MTUS2: variants seen among roughly 807,000 people sequenced by gnomAD.
The protein encoded by MTUS2 is microtubule-associated tumor suppressor candidate 2.
A neutral mutation model predicts 114.1 loss-of-function variants in MTUS2; 40 were observed. The ratio of observed to expected loss-of-function variants is 0.35; its 90% CI spans 0.27 to 0.46. The LOEUF is 0.46. MTUS2 is among the 20% of genes least tolerant of loss of function. MTUS2 has a pLI of 1.00. For synonymous variants in MTUS2, 688 were observed against 672.0 expected (o/e 1.02, Z -0.37); for missense variants, 1,679 against 1,705.4 (o/e 0.98, Z 0.27).
At chr13:28,845,279 A>C (rs1054699868) in intron 2 of MTUS2, among the ~76,000 whole-genome samples, 5 of 152,240 alleles carry the variant, frequency 3.3e-5, no homozygotes, top group African/African-American at 9.6e-5. Context: ...TCTGCTGTAA[A>C]TTTCACTTGT....
intron 9 of MTUS2, among the ~76,000 whole-genome samples, chr13:29,472,073 G>A (rs1047982213): frequency 6.6e-6 from 1 of 152,162 alleles, no homozygotes; most frequent in African/African-American, 2.4e-5. Flanking sequence ...CACCCAGGCT[G>A]GAGTGCAGTG....
rs1311220441 is a variant in MTUS2, at chr13:29,495,372, A to T, written c.3580-1866A>T. ...GTCTTTGTCAAAAAAAAAAAAAAAA[A>T]AAAAAAAAGGAAGTAACTGGAAAAG... On this transcript the variant is annotated intron_variant, in intron 12 of 15. Coordinates refer to ENST00000612955, the MANE Select transcript of MTUS2 (RefSeq NM_001033602.4). Among the ~76,000 whole-genome samples the T allele has an allele frequency of 3.4e-5, 5 of 147,728 alleles. 1 individual carries two copies. The South Asian group carries it at 1.1e-3, about 31-fold the overall frequency.
chr13:28,898,754 T>A (rs1879444148), intron 2 of MTUS2, among the ~76,000 whole-genome samples: 1 of 152,214 alleles, frequency 6.6e-6, no homozygotes, highest in Admixed American at 6.5e-5. Flanking sequence ...GAGACATTAA[T>A]ATTTTTATTT....
rs142036331 is a variant in MTUS2, at chr13:28,912,346, C to T, written c.-243+72496C>T. 5.3e-5 allele frequency among the ~76,000 whole-genome samples: 8 copies of T among 152,184 alleles called. No homozygotes were observed. The East Asian group carries it at 1.5e-3, about 29-fold the overall frequency. ...AGGTGTACAGTCTTATTTCTGAGTTCTCTATTCTGTTCCATTGATCTATGT... is the reference window on the plus strand; with the variant it reads ...AGGTGTACAGTCTTATTTCTGAGTTTTCTATTCTGTTCCATTGATCTATGT... On this transcript the variant is annotated intron_variant, in intron 2 of 15. Transcript: ENST00000612955.
chr13:29,291,803 T>C (rs1459401140), intron 6 of MTUS2, among the ~76,000 whole-genome samples: 7 of 151,730 alleles, frequency 4.6e-5, no homozygotes, highest in Non-Finnish European at 1.0e-4. Flanking sequence ...AAAATGGAAT[T>C]GAGTTGTCAA....
At chr13:29,145,644 A>ATTTC (rs1364969307) in intron 5 of MTUS2, among the ~76,000 whole-genome samples, 1 of 152,174 alleles carries the variant, frequency 6.6e-6, no homozygotes, top group African/African-American at 2.4e-5. Context: ...TCCAATTGAA[A>ATTTC]AATTGGACTT....
At chr13:28,845,069 TCTCAGG>T (rs1206530373) in intron 2 of MTUS2, among the ~76,000 whole-genome samples, 1 of 152,120 alleles carries the variant, frequency 6.6e-6, no homozygotes, top group Non-Finnish European at 1.5e-5. Context: ...AGTCCTCCCA[TCTCAGG>T]CTTTTGAAGC....
intron 5 of MTUS2, among the ~76,000 whole-genome samples, chr13:29,141,861 ATTT>A (rs370911804): frequency 7.0e-6 from 1 of 142,360 alleles, no homozygotes; most frequent in Non-Finnish European, 1.5e-5. Context: ...TGGGGATCTA[ATTT>A]TTTTTTTTTT....
chr13:29,319,115 C>T (rs1018188493), intron 6 of MTUS2, among the ~76,000 whole-genome samples: 23 of 152,160 alleles, frequency 1.5e-4, no homozygotes, highest in African/African-American at 4.6e-4. Context: ...GACCAACATA[C>T]GGCCCCATGA....
At chr13:29,013,099 T>G (rs557839207) in intron 2 of MTUS2, among the ~76,000 whole-genome samples, 8 of 152,256 alleles carry the variant, frequency 5.3e-5, no homozygotes, top group Non-Finnish European at 5.9e-5. Context: ...AGGTGCCAGT[T>G]GAAATGCCTA....
intron 2 of MTUS2, among the ~76,000 whole-genome samples, chr13:28,860,955 G>A (rs1431225808): frequency 2.0e-5 from 3 of 152,186 alleles, no homozygotes; most frequent in African/African-American, 7.2e-5. Context: ...AGTAACAAAT[G>A]CTGTTCTTAT....
In MTUS2 at chr13:29,505,304, C is replaced by G. The variant is rs1016543494; in HGVS notation, c.*2098C>G. The G allele has an allele frequency of 8.6e-6, 2 of 231,376 alleles. No individual in the cohort carries two copies. The highest frequency in any genetic ancestry group is 6.1e-5 in the East Asian group (1 of 16,326). The allele number at this position is 231,376 out of a possible 1,614,324, so 14.3% of individuals were successfully genotyped here. A position where few individuals can be genotyped will look rare whatever the true frequency, so the allele number is the denominator to read the frequency against. On this transcript the variant is annotated 3_prime_UTR_variant, in exon 16 of 16. Transcript: ENST00000612955. ...TACTGACTTCCGTGTGATGCTAGAA[C>G]GTGGTACAGTGTATTAGGCTGCTGT... is the stretch of plus-strand genomic sequence containing the variant.
intron 8 of MTUS2, among the ~76,000 whole-genome samples, chr13:29,394,714 C>T (rs1566177831): frequency 6.6e-6 from 1 of 152,176 alleles, no homozygotes; most frequent in South Asian, 2.1e-4. Context: ...AGGCTAACAG[C>T]GGGAGGTGTG....
chr13:29,078,496 T>G (rs1889296908), intron 4 of MTUS2, among the ~76,000 whole-genome samples: 1 of 152,212 alleles, frequency 6.6e-6, no homozygotes, highest in Admixed American at 6.5e-5. Flanking sequence ...TGAGATATAA[T>G]TCGTGTACTA....
intron 8 of MTUS2, among the ~76,000 whole-genome samples, chr13:29,414,477 A>G (rs1483005887): frequency 6.6e-6 from 1 of 150,526 alleles, no homozygotes; most frequent in Admixed American, 6.6e-5. Flanking sequence ...TTAAAAAAAA[A>G]AAAAAAAAAA....
intron 5 of MTUS2, among the ~76,000 whole-genome samples, chr13:29,210,822 G>A (rs1295769623): frequency 1.4e-5 from 2 of 147,922 alleles, no homozygotes; most frequent in African/African-American, 5.0e-5. Context: ...CTCCTCCAGT[G>A]GAGATAGCAG....
intron 5 of MTUS2, among the ~76,000 whole-genome samples, chr13:29,106,712 TTC>T (rs1419157535): frequency 1.3e-5 from 2 of 152,080 alleles, no homozygotes; most frequent in African/African-American, 4.8e-5. Flanking sequence ...GGTGAATTCT[TTC>T]TCTCTGGCAC....
At chr13:28,968,734 GCTT>G (rs1369247473) in intron 2 of MTUS2, among the ~76,000 whole-genome samples, 2 of 152,078 alleles carry the variant, frequency 1.3e-5, no homozygotes, top group African/African-American at 4.8e-5. Flanking sequence ...TAAGCAGATT[GCTT>G]CTTTGAAGAT....
chr13:29,471,067 G>T (rs1277968950), intron 9 of MTUS2, among the ~76,000 whole-genome samples: 1 of 152,104 alleles, frequency 6.6e-6, no homozygotes, highest in East Asian at 1.9e-4. Context: ...TCCTGGCGGG[G>T]CGGGGTGGCT....
Sources: gnomAD v4.1 joint callset for allele counts (sites outside exome capture counted in the v4.1 genomes callset) on GRCh38, gnomAD v4.1.1 for gene constraint, MANE v1.5 for transcripts, NCBI Gene and HGNC (gene_info 2026-07-23, HGNC 2026-07-21) for gene names.